The following LARGE1 variants were observed in gnomAD, a reference collection of about 807,000 sequenced individuals.
LARGE1 encodes xylosyl- and glucuronyltransferase LARGE1.
In LARGE1, 43 loss-of-function variants were observed where a neutral mutation model predicts 87.6. The observed-to-expected ratio is 0.49, with a 90% CI of 0.38 to 0.63. The LOEUF (loss-of-function observed/expected upper bound fraction) is 0.63, where lower values mean the gene tolerates loss of function less well. Ranked by LOEUF, LARGE1 falls within the 30% of genes least tolerant of loss-of-function variation. LARGE1 has a pLI of 0.00. For missense variants in LARGE1, 802 were observed against 1,000.2 expected (o/e 0.80, Z 2.67); for synonymous variants, 434 against 394.6 (o/e 1.10, Z -1.18).
chr22:33,543,301 A>C (rs919276184), intron 6 of LARGE1, among the ~76,000 whole-genome samples: 1 of 152,202 alleles, frequency 6.6e-6, no homozygotes, highest in African/African-American at 2.4e-5. Flanking sequence ...AGGAATTTGT[A>C]AAAGGGAAGA....
At chr22:33,430,553 A>T (rs1226112859) in intron 7 of LARGE1, among the ~76,000 whole-genome samples, 1 of 152,118 alleles carries the variant, frequency 6.6e-6, no homozygotes, top group South Asian at 2.1e-4. Context: ...ACATTCTTCA[A>T]TCACAACCTC....
rs148961134 is a variant in LARGE1, at chr22:33,727,814, G to A, written c.106+33557C>T. Reference sequence around the variant, plus strand: ...GGCTAACACAGAAAACCAAGGCAACGACAGTCAGGGAAGGCAGGGACTTCC... The same window carrying A: ...GGCTAACACAGAAAACCAAGGCAACAACAGTCAGGGAAGGCAGGGACTTCC... On this transcript the variant is annotated intron_variant, in intron 2 of 14. Transcript: ENST00000397394. Among the ~76,000 whole-genome samples, 28 of 152,262 alleles carry A rather than the reference G, an allele frequency of 1.8e-4. No individual in the cohort carries two copies. The East Asian group carries it at 3.1e-3, about 17-fold the overall frequency.
At chr22:33,770,031 T>G (rs776474623) in intron 1 of LARGE1, among the ~76,000 whole-genome samples, 2 of 152,216 alleles carry the variant, frequency 1.3e-5, no homozygotes, top group African/African-American at 4.8e-5. Context: ...AAAAATAATC[T>G]GTATGGAAAA....
chr22:33,145,994 G>A, the LARGE1 span, among the ~76,000 whole-genome samples: 1 of 152,122 alleles, frequency 6.6e-6, no homozygotes, highest in Non-Finnish European at 1.5e-5. Flanking sequence ...GTTTACTATT[G>A]AATACACCAT....
intron 6 of LARGE1, among the ~76,000 whole-genome samples, chr22:33,563,950 AAACCAACAGGAATATCCTGT>A (rs2077942811): frequency 6.6e-6 from 1 of 152,222 alleles, no homozygotes; most frequent in Admixed American, 6.5e-5. Flanking sequence ...ATAGAAACAG[AAACCAACAGGAATATCCTGT>A]GATTTATGAA....
At chr22:33,303,886 G>C (rs1934507469) in intron 12 of LARGE1, among the ~76,000 whole-genome samples, 1 of 152,144 alleles carries the variant, frequency 6.6e-6, no homozygotes, top group South Asian at 2.1e-4. Context: ...GCCTCCCAAA[G>C]TGCTAGGATT....
At chr22:33,318,822 T>C (rs1167536615) in intron 10 of LARGE1, among the ~76,000 whole-genome samples, 1 of 152,132 alleles carries the variant, frequency 6.6e-6, no homozygotes, top group Non-Finnish European at 1.5e-5. Flanking sequence ...ATCAGCCTTG[T>C]CTATCACACG....
chr22:33,685,317 G>T (rs996831534), intron 2 of LARGE1, among the ~76,000 whole-genome samples: 1 of 152,174 alleles, frequency 6.6e-6, no homozygotes, highest in Non-Finnish European at 1.5e-5. Context: ...ATCTAATAAA[G>T]CATGTACAAA....
intron 1 of LARGE1, among the ~76,000 whole-genome samples, chr22:33,885,999 C>G (rs1033057994): frequency 6.6e-6 from 1 of 152,064 alleles, no homozygotes; most frequent in Non-Finnish European, 1.5e-5. Context: ...CGTGGCACTG[C>G]AGCCTGGGTG....
intron 1 of LARGE1, among the ~76,000 whole-genome samples, chr22:33,913,412 T>C (rs2065693968): frequency 6.6e-6 from 1 of 152,232 alleles, no homozygotes; most frequent in African/African-American, 2.4e-5. Flanking sequence ...TGTAACTCCA[T>C]GTGTTAGGTT....
At chr22:33,161,236 C>T (rs1272891135), downstream of LARGE1, among the ~76,000 whole-genome samples, 1 of 152,148 alleles carries the variant, frequency 6.6e-6, no homozygotes, top group Non-Finnish European at 1.5e-5. Flanking sequence ...TACCTCCCAC[C>T]AGGTCCCTCC....
intron 2 of LARGE1, 64 bp from the exon 3 acceptor site, chr22:33,650,732 TC>T: frequency 6.4e-7 from 1 of 1,559,554 alleles, no homozygotes; most frequent in Non-Finnish European, 8.7e-7. Context: ...CCCTCCAAGT[TC>T]CCCAGACATC....
intron 2 of LARGE1, among the ~76,000 whole-genome samples, chr22:33,738,761 T>C (rs182733115): frequency 6.0e-5 from 9 of 149,430 alleles, no homozygotes; most frequent in Admixed American, 1.4e-4. Flanking sequence ...CAGAGAGTGG[T>C]GTGAACCTAG....
At chr22:33,836,966 T>C (rs1227387501) in intron 1 of LARGE1, among the ~76,000 whole-genome samples, 4 of 152,088 alleles carry the variant, frequency 2.6e-5, no homozygotes, top group Non-Finnish European at 5.9e-5. Context: ...AGATGGGTCG[T>C]GCATGAATCC....
chr22:33,472,675 A>G (rs1454747370), intron 6 of LARGE1, among the ~76,000 whole-genome samples: 1 of 152,216 alleles, frequency 6.6e-6, no homozygotes, highest in African/African-American at 2.4e-5. Flanking sequence ...GACGTCAATA[A>G]GCAGCTATGT....
intron 5 of LARGE1, among the ~76,000 whole-genome samples, chr22:33,595,191 T>C (rs571333514): frequency 4.3e-4 from 66 of 152,144 alleles, no homozygotes; most frequent in African/African-American, 1.6e-3. Context: ...GGGTACATAG[T>C]AGGTGTATAT....
intron 1 of LARGE1, among the ~76,000 whole-genome samples, chr22:33,788,544 G>C (rs978668690): frequency 6.6e-6 from 1 of 152,218 alleles, no homozygotes; most frequent in Non-Finnish European, 1.5e-5. Context: ...GGGAAGTTTT[G>C]AACTTCCTAG....
At chr22:33,370,979 G>GAT (rs139745287) in intron 9 of LARGE1, among the ~76,000 whole-genome samples, 2,048 of 149,610 alleles carry the variant, frequency 0.014, 47 homozygotes, top group African/African-American at 0.048. Context: ...TGTCTACATA[G>GAT]TAAAATCTAA....
At chr22:33,869,299 C>T (rs1013078815) in intron 1 of LARGE1, among the ~76,000 whole-genome samples, 1 of 152,172 alleles carries the variant, frequency 6.6e-6, no homozygotes, top group African/African-American at 2.4e-5. Context: ...CAAAACAACA[C>T]TCTCAGAGTT....
Sources: allele counts gnomAD v4.1 joint callset (sites outside exome capture counted in the v4.1 genomes callset), GRCh38; gene constraint gnomAD v4.1.1; transcripts MANE v1.5; gene names NCBI Gene and HGNC (gene_info 2026-07-23, HGNC 2026-07-21).